Variants in FOXP1 observed in about 807,000 individuals in gnomAD.
FOXP1 encodes forkhead box P1, also known as forkhead box protein P1.
In FOXP1, 15 loss-of-function variants were observed where a neutral mutation model predicts 98.2. The observed-to-expected ratio is 0.15, with a 90% confidence interval of 0.10 to 0.24. The LOEUF (loss-of-function observed/expected upper bound fraction) is 0.24, where lower values mean the gene tolerates loss of function less well. FOXP1 is among the 10% of genes least tolerant of loss of function. FOXP1 has a pLI of 1.00. For missense variants in FOXP1, 633 were observed against 848.5 expected (o/e 0.75, Z 3.15); for synonymous variants, 371 against 314.5 (o/e 1.18, Z -1.90).
chr3:71,015,978 A>G (rs2044412287), intron 11 of FOXP1, among the ~76,000 whole-genome samples: 1 of 152,226 alleles, frequency 6.6e-6, no homozygotes, highest in South Asian at 2.1e-4. Flanking sequence ...TTTAATCTAC[A>G]TAATGAAAAT....
intron 3 of FOXP1, among the ~76,000 whole-genome samples, chr3:71,427,404 C>A (rs917778551): frequency 6.6e-6 from 1 of 152,132 alleles, no homozygotes; most frequent in African/African-American, 2.4e-5. Context: ...CTGGCTGCAG[C>A]GAAGGGCATG....
At chr3:71,058,598 G>C in intron 7 of FOXP1, among the ~76,000 whole-genome samples, 1 of 146,182 alleles carries the variant, frequency 6.8e-6, no homozygotes. Context: ...TTAAAAGAGA[G>C]AGAGGAGAAA....
intron 11 of FOXP1, among the ~76,000 whole-genome samples, chr3:71,033,517 G>T (rs1289041159): frequency 6.8e-6 from 1 of 147,580 alleles, no homozygotes; most frequent in Non-Finnish European, 1.5e-5. Context: ...TATGGTAAAA[G>T]GCACTTTATT....
At position 71,189,787 on chromosome 3, in the gene FOXP1, CT is replaced by C. The variant is rs1196602357; in HGVS notation, c.180+8414del. ...TCTGTGTCACTCATTCATAAATAGT[CT>C]GTCACAGAACTGCCCTACATCAGGT... is the stretch of plus-strand genomic sequence containing the variant. On this transcript the variant is annotated intron_variant, in intron 6 of 20. Coordinates refer to ENST00000649528, the MANE Select transcript of FOXP1 (RefSeq NM_001349338.3). 4.6e-5 allele frequency among the ~76,000 whole-genome samples: 7 copies of C among 152,344 alleles called. No individual in the cohort carries two copies. In the East Asian group the frequency reaches 1.4e-3, roughly 29 times the overall value.
At chr3:71,546,918 A>G (rs1385299336) in intron 2 of FOXP1, among the ~76,000 whole-genome samples, 1 of 152,176 alleles carries the variant, frequency 6.6e-6, no homozygotes, top group Non-Finnish European at 1.5e-5. Flanking sequence ...GCTTGAGAAA[A>G]GAAGGAAATT....
At chr3:71,582,368 TC>T (rs2048251952) in intron 1 of FOXP1, 1 of 976,002 alleles carries the variant, frequency 1.0e-6, no homozygotes, top group Non-Finnish European at 1.2e-6. Context: ...ACTCCTCGGC[TC>T]CCGGCGCCGC....
chr3:70,976,621 G>A (rs956198055), intron 17 of FOXP1, among the ~76,000 whole-genome samples: 3 of 152,160 alleles, frequency 2.0e-5, no homozygotes, highest in Non-Finnish European at 4.4e-5. Flanking sequence ...AACGGCATGA[G>A]GTTTGTGCAA....
At chr3:71,443,020 T>C (rs2086088611) in intron 3 of FOXP1, among the ~76,000 whole-genome samples, 1 of 152,126 alleles carries the variant, frequency 6.6e-6, no homozygotes, top group African/African-American at 2.4e-5. Flanking sequence ...GCCTCCTGAG[T>C]AGTTGGGATT....
intron 4 of FOXP1, among the ~76,000 whole-genome samples, chr3:71,331,468 G>A (rs2076303445): frequency 6.8e-6 from 1 of 147,116 alleles, no homozygotes; most frequent in South Asian, 2.1e-4. Context: ...ACCGCCCAAG[G>A]GCTGAGGAGT....
intron 3 of FOXP1, among the ~76,000 whole-genome samples, chr3:71,365,562 T>C (rs2107941519): frequency 6.6e-6 from 1 of 152,292 alleles, no homozygotes; most frequent in South Asian, 2.1e-4. Context: ...GGACCTTTTT[T>C]AAAAAAGCAA....
intron 5 of FOXP1, among the ~76,000 whole-genome samples, chr3:71,209,557 T>C (rs2064299898): frequency 6.6e-6 from 1 of 152,230 alleles, no homozygotes. Flanking sequence ...AATCAGTTGA[T>C]GTCCCATGTA....
chr3:71,142,817 G>A (rs552614463), intron 6 of FOXP1, among the ~76,000 whole-genome samples: 1 of 152,292 alleles, frequency 6.6e-6, no homozygotes, highest in South Asian at 2.1e-4. Context: ...GTGGCAATTT[G>A]TTATGCAACA....
chr3:71,560,627 C>A (rs776485816), intron 2 of FOXP1, among the ~76,000 whole-genome samples: 5 of 152,032 alleles, frequency 3.3e-5, no homozygotes, highest in African/African-American at 1.2e-4. Context: ...TAGTATTAAC[C>A]AAAACAGCCA....
rs1400348266 is a variant in FOXP1 at position 71,009,155 on chromosome 3, C to CGGGGGCG, written c.974+6393_974+6394insCGCCCCC. Among the ~76,000 whole-genome samples the CGGGGGCG allele has an allele frequency of 6.2e-3, 128 of 20,772 alleles. 12 individuals are homozygous for CGGGGGCG. The highest frequency in any genetic ancestry group is 0.011 in the African/African-American group (92 of 8,218). 13.6% of individuals were successfully genotyped at this position (20,772 alleles called of 152,430 possible). Reference sequence around the variant, plus strand: ...TGGTTGGTCAATGAAATCATGGGGGCGGGGGGGGGGGGGCGCATGACACAC... The same window carrying CGGGGGCG: ...TGGTTGGTCAATGAAATCATGGGGGCGGGGGCGGGGGGGGGGGGGGCGCATGACACAC... On this transcript the variant is annotated intron_variant, in intron 12 of 20. Transcript: ENST00000649528.
At chr3:71,581,801 C>G (rs1487219002) in intron 1 of FOXP1, 104 bp from the exon 2 acceptor site, 6 of 985,982 alleles carry the variant, frequency 6.1e-6, no homozygotes, top group Non-Finnish European at 7.2e-6. Flanking sequence ...GGGGCCAGGA[C>G]AGAGAGGGCA....
At chr3:71,026,957 G>A (rs1235141316) in intron 11 of FOXP1, among the ~76,000 whole-genome samples, 3 of 152,184 alleles carry the variant, frequency 2.0e-5, no homozygotes, top group South Asian at 2.1e-4. Context: ...AACAACAAGA[G>A]GCAGAGGTCC....
rs199887076 is a variant in FOXP1 at position 71,534,378 on chromosome 3, C to A, written c.-297-40823G>T. On this transcript the variant is annotated intron_variant, in intron 2 of 20. Coordinates refer to ENST00000649528, the MANE Select transcript of FOXP1 (RefSeq NM_001349338.3). ...TCAAAAACAACAACAACAACAACAACAAAAAACCCTAAGGCTCTCCCTATA... is the reference window on the plus strand; with the variant it reads ...TCAAAAACAACAACAACAACAACAAAAAAAAACCCTAAGGCTCTCCCTATA... Among the ~76,000 whole-genome samples the A allele has an allele frequency of 5.1e-3, 781 of 152,070 alleles. 6 individuals carry two copies. Among genetic ancestry groups the A allele is most frequent in the African/African-American group, 0.016 (652 of 41,486 alleles).
intron 4 of FOXP1, among the ~76,000 whole-genome samples, chr3:71,302,070 T>C (rs2073891492): frequency 6.6e-6 from 1 of 152,248 alleles, no homozygotes; most frequent in African/African-American, 2.4e-5. Flanking sequence ...ATTTTGAAGT[T>C]CCATAAATTT....
chr3:71,365,674 A>G (rs1268190178), intron 3 of FOXP1, among the ~76,000 whole-genome samples: 1 of 152,192 alleles, frequency 6.6e-6, no homozygotes, highest in Non-Finnish European at 1.5e-5. Flanking sequence ...TTAGAAGCAA[A>G]CTGCTTTCTT....
Sources: gnomAD v4.1 joint callset for allele counts (sites outside exome capture counted in the v4.1 genomes callset) on GRCh38, gnomAD v4.1.1 for gene constraint, MANE v1.5 for transcripts, NCBI Gene and HGNC (gene_info 2026-07-23, HGNC 2026-07-21) for gene names.